Variants in ELFN1 observed in about 807,000 individuals in gnomAD.
The protein encoded by ELFN1 is extracellular leucine rich repeat and fibronectin type III domain containing 1, also known as protein ELFN1.
In ELFN1, 6 loss-of-function variants were observed where a neutral mutation model predicts 7.6. The observed-to-expected ratio is 0.79, with a 90% CI of 0.43 to 1.56. The LOEUF (loss-of-function observed/expected upper bound fraction) is 1.56, where lower values mean the gene tolerates loss of function less well. Among genes scored for constraint, ELFN1 ranks in the 40% most tolerant of loss-of-function variants. The pLI, the probability that ELFN1 is intolerant of heterozygous loss-of-function variation, is 0.01. For synonymous variants in ELFN1, 657 were observed against 588.1 expected, an observed-to-expected ratio of 1.12 and a Z score of -1.70; for missense variants, 1,169 against 1,232.2, an observed-to-expected ratio of 0.95 and a Z score of 0.77.
intron 1 of ELFN1, among the ~76,000 whole-genome samples, chr7:1,683,825 G>A (rs929530420): frequency 6.6e-6 from 1 of 152,066 alleles, no homozygotes; most frequent in Non-Finnish European, 1.5e-5. Context: ...AATATTTCTT[G>A]TCTTAAAGTC....
At chr7:1,743,089 G>T (rs1015006259) in intron 3 of ELFN1, among the ~76,000 whole-genome samples, 3 of 33,120 alleles carry the variant, frequency 9.1e-5, no homozygotes, top group East Asian at 8.9e-4. Context: ...GGGTAGTGGT[G>T]GGGGGGTCCA....
rs1780831981 is a variant in ELFN1 at position 1,747,293 on chromosome 7, G to A, written c.*210G>A. ...CTGGGATGCGCTTGTCGCCCCGGGT[G>A]GCACGTGTCCACACACACACACACA... On this transcript the variant is annotated 3_prime_UTR_variant, in exon 4 of 4. Transcript: ENST00000424383. 2 of 408,096 alleles carry A rather than the reference G, an allele frequency of 4.9e-6. No homozygotes were observed. The allele number at this position is 408,096 out of a possible 1,614,324, so 25.3% of individuals were successfully genotyped here. A position where few individuals can be genotyped will look rare whatever the true frequency, so the allele number is the denominator to read the frequency against.
intron 3 of ELFN1, among the ~76,000 whole-genome samples, chr7:1,726,937 C>T (rs1277223522): frequency 5.3e-5 from 8 of 152,136 alleles, no homozygotes; most frequent in Non-Finnish European, 1.0e-4. Context: ...CTCTGAGGGT[C>T]GTTTTACAGG....
chr7:1,711,619 A>AGAGAGAGAGAGG (rs1779659754), intron 3 of ELFN1, among the ~76,000 whole-genome samples: 3 of 138,060 alleles, frequency 2.2e-5, no homozygotes, highest in African/African-American at 9.4e-5. Context: ...AGAGAGAGAG[A>AGAGAGAGAGAGG]GAGAGAGAAT....
chr7:1,718,230 G>A lies in ELFN1; in HGVS notation c.-294+8978G>A, dbSNP rs183538882. Among the ~76,000 whole-genome samples, 14 of 152,336 alleles carry A rather than the reference G, an allele frequency of 9.2e-5. 1 individual carries two copies. Among genetic ancestry groups the A allele is most frequent in the Admixed American group, 2.6e-4 (4 of 15,300 alleles). On this transcript the variant is annotated intron_variant, in intron 3 of 3. Coordinates refer to ENST00000424383, the MANE Select transcript of ELFN1 (RefSeq NM_001128636.4). The stretch of plus-strand genomic sequence containing the variant: ...CCCGTTGGCTAGAATGTGGTCCTAC[G>A]TGCAAGGGAAGCTAGAAATGTAGTA...
intron 2 of ELFN1, among the ~76,000 whole-genome samples, chr7:1,707,903 G>A (rs553005757): frequency 1.3e-4 from 20 of 152,148 alleles, no homozygotes; most frequent in Non-Finnish European, 1.6e-4. Flanking sequence ...CTGTGGGAGC[G>A]GGGCACAGGC....
intron 2 of ELFN1, among the ~76,000 whole-genome samples, chr7:1,689,091 C>T (rs1324802736): frequency 6.6e-6 from 1 of 152,230 alleles, no homozygotes; most frequent in Non-Finnish European, 1.5e-5. Context: ...AATGGAATCA[C>T]ACAGTATGTA....
At position 1,746,254 on chromosome 7, in the gene ELFN1, C is replaced by A; in HGVS notation, c.1658C>A (p.Ala553Asp). ...GGCCCCGACAGCCAGAGTTCGGTGG[C>A]CGAGATCTCCACCATCGCCAAGGAG... is the stretch of plus-strand genomic sequence containing the variant. The part of the protein sequence containing the change: ...RPGPDSQSSV[A>D]EISTIAKEVD... Residue 553 changes from alanine (A) to aspartate (D), a missense_variant, in exon 4 of 4, where the codon GCC becomes GAC. Transcript: ENST00000424383. The A allele has an allele frequency of 6.3e-7, 1 of 1,589,812 alleles. No homozygotes were observed.
intron 2 of ELFN1, among the ~76,000 whole-genome samples, chr7:1,700,002 A>T (rs1397658744): frequency 1.3e-5 from 2 of 152,168 alleles, no homozygotes; most frequent in East Asian, 1.9e-4. Context: ...GCCCGGCCTC[A>T]TCATTGTCTT....
chr7:1,704,375 G>A (rs1779487427), intron 2 of ELFN1, among the ~76,000 whole-genome samples: 1 of 152,176 alleles, frequency 6.6e-6, no homozygotes, highest in South Asian at 2.1e-4. Flanking sequence ...GACCAGCGTT[G>A]TCTGGAGAAC....
In ELFN1 at chr7:1,745,346, C is replaced by T. The variant is rs1247529733; in HGVS notation, c.750C>T (p.Cys250=). The T allele has an allele frequency of 5.8e-6, 9 of 1,539,778 alleles. No homozygotes were observed. In the African/African-American group the frequency reaches 1.2e-4, roughly 21 times the overall value. The change falls in exon 4 of 4, where the codon TGC becomes TGT. Residue 250 remains cysteine (C), a synonymous_variant. Coordinates refer to ENST00000424383, the MANE Select transcript of ELFN1 (RefSeq NM_001128636.4). ...RSILSKLQSV[C]TEDSYAAEVV... ...TCCTCAGCAAACTGCAGTCAGTCTG[C>T]ACCGAGGACTCGTACGCGGCTGAGG...
At chr7:1,724,409 G>A (rs961155874) in intron 3 of ELFN1, among the ~76,000 whole-genome samples, 3 of 152,138 alleles carry the variant, frequency 2.0e-5, no homozygotes, top group African/African-American at 4.8e-5. Context: ...CTGAGGTGCC[G>A]TGCGGCCCCA....
intron 3 of ELFN1, among the ~76,000 whole-genome samples, chr7:1,720,628 C>T (rs776808891): frequency 2.0e-5 from 3 of 152,154 alleles, no homozygotes; most frequent in Admixed American, 6.5e-5. Context: ...GTTGTGATGC[C>T]TTTCTGAGCT....
chr7:1,727,043 G>A (rs1405501754), intron 3 of ELFN1, among the ~76,000 whole-genome samples: 1 of 152,158 alleles, frequency 6.6e-6, no homozygotes, highest in Non-Finnish European at 1.5e-5. Context: ...TCGGGCTGTG[G>A]GATTCCATCA....
chr7:1,725,651 C>T (rs1780170791), intron 3 of ELFN1, among the ~76,000 whole-genome samples: 1 of 152,180 alleles, frequency 6.6e-6, no homozygotes, highest in Admixed American at 6.5e-5. Context: ...TGTCGGACGC[C>T]CGCCTGCTGT....
chr7:1,747,191 G>C lies in ELFN1; in HGVS notation c.*108G>C, dbSNP rs1320812211. The C allele has an allele frequency of 2.4e-6, 3 of 1,275,450 alleles. No individual in the cohort carries two copies. Among genetic ancestry groups the C allele is most frequent in the Non-Finnish European group, 3.1e-6 (3 of 961,696 alleles). 79.0% of individuals were successfully genotyped at this position (1,275,450 alleles called of 1,614,324 possible). A position where few individuals can be genotyped will look rare whatever the true frequency, so the allele number is the denominator to read the frequency against. On this transcript the variant is annotated 3_prime_UTR_variant, in exon 4 of 4. Transcript: ENST00000424383. ...ACGCCACCACAGCAACTGTGACAGCGGGGGGCCCTGCAGAGGCGAGGGGGG... is the reference window on the plus strand; with the variant it reads ...ACGCCACCACAGCAACTGTGACAGCCGGGGGCCCTGCAGAGGCGAGGGGGG...
intron 3 of ELFN1, among the ~76,000 whole-genome samples, chr7:1,709,955 A>G (rs145482336): frequency 4.1e-4 from 63 of 152,354 alleles, no homozygotes; most frequent in Non-Finnish European, 7.8e-4. Context: ...GGGAAACTGT[A>G]CTTCACCCAG....
intron 3 of ELFN1, among the ~76,000 whole-genome samples, chr7:1,742,909 C>T (rs1490330292): frequency 5.3e-5 from 8 of 152,244 alleles, no homozygotes; most frequent in Admixed American, 5.2e-4. Context: ...TTGCAAACGT[C>T]AATATCAGTG....
chr7:1,732,976 C>T (rs891864561), intron 3 of ELFN1, among the ~76,000 whole-genome samples: 1 of 152,196 alleles, frequency 6.6e-6, no homozygotes, highest in African/African-American at 2.4e-5. Context: ...TGTCAGTTCA[C>T]TGCAAGCTCT....
Sources: allele counts gnomAD v4.1 joint callset (sites outside exome capture counted in the v4.1 genomes callset), GRCh38; gene constraint gnomAD v4.1.1; transcripts MANE v1.5; gene names NCBI Gene and HGNC (gene_info 2026-07-23, HGNC 2026-07-21).